Variants in CLASP2 observed in about 807,000 individuals in gnomAD.
The protein encoded by CLASP2 is cytoplasmic linker associated protein 2.
In CLASP2, 47 loss-of-function variants were observed where a neutral mutation model predicts 194.4. The ratio of observed to expected loss-of-function variants is 0.24; its 90% confidence interval spans 0.19 to 0.31. CLASP2 has a LOEUF of 0.31. CLASP2 is among the 10% of genes least tolerant of loss of function. CLASP2 has a pLI of 1.00. For missense variants in CLASP2, 1,445 were observed against 1,823.6 expected (o/e 0.79, Z 3.78); for synonymous variants, 619 against 633.5 (o/e 0.98, Z 0.34).
intron 1 of CLASP2, among the ~76,000 whole-genome samples, chr3:33,710,061 G>A (rs980397740): frequency 3.9e-5 from 6 of 152,126 alleles, no homozygotes; most frequent in Non-Finnish European, 7.4e-5. Flanking sequence ...GATTGGCCAC[G>A]GGCTGATAAG....
chr3:33,607,054 G>A (rs1180879946), intron 15 of CLASP2, among the ~76,000 whole-genome samples: 1 of 152,152 alleles, frequency 6.6e-6, no homozygotes, highest in Non-Finnish European at 1.5e-5. Context: ...TATCTTCGGA[G>A]GATCATTCTA....
At chr3:33,605,544 G>C (rs983148834) in intron 16 of CLASP2, among the ~76,000 whole-genome samples, 1 of 152,074 alleles carries the variant, frequency 6.6e-6, no homozygotes, top group South Asian at 2.1e-4. Flanking sequence ...GCCTCACCCT[G>C]GTCCCAGTTC....
rs531199506 is a variant in CLASP2, at chr3:33,661,590, G to C, written c.715+1855C>G. Among the ~76,000 whole-genome samples the C allele has an allele frequency of 2.0e-5, 3 of 152,342 alleles. No individual in the cohort carries two copies. In the East Asian group the frequency reaches 5.8e-4, roughly 29 times the overall value. On this transcript the variant is annotated intron_variant, in intron 7 of 38. Transcript: ENST00000682230. ...TGGTGCCACTGACTAAAATGGCTAAGACTGGAGAAGGAACAGATCTGAGAG... is the reference window on the plus strand; with the variant it reads ...TGGTGCCACTGACTAAAATGGCTAACACTGGAGAAGGAACAGATCTGAGAG...
intron 1 of CLASP2, among the ~76,000 whole-genome samples, chr3:33,712,131 T>C (rs1358998517): frequency 6.6e-6 from 1 of 152,078 alleles, no homozygotes; most frequent in Admixed American, 6.5e-5. Context: ...CATTAACCAA[T>C]GAGTGAATAA....
rs979406104 is a variant in CLASP2 at position 33,663,527 on chromosome 3, G to A, written c.645-12C>T. Reference sequence around the variant, plus strand: ...ATATCATTTCTAATCTGGGAATAAAGAATAAATTGGGTTTGTTTGATTTTT... The same window carrying A: ...ATATCATTTCTAATCTGGGAATAAAAAATAAATTGGGTTTGTTTGATTTTT... On this transcript the variant is annotated splice_polypyrimidine_tract_variant and intron_variant, in intron 6 of 38. Coordinates refer to ENST00000682230, the MANE Select transcript of CLASP2 (RefSeq NM_001365631.1). The A allele has an allele frequency of 2.2e-5, 34 of 1,574,772 alleles. No individual in the cohort carries two copies. The highest frequency in any genetic ancestry group is 2.9e-5 in the Non-Finnish European group (33 of 1,146,240).
Position 33,535,321 on chromosome 3 carries a change from T to C in CLASP2, c.3699A>G (p.Pro1233=). ...HSSPRSRDYN[P]YNYSDSISPF... ...GACTGATGCTATCTGAATAGTTATA[T>C]GGATTATAGTCTCGAGAGCGTGGAG... Residue 1233 remains proline (P), a synonymous_variant, in exon 34 of 39, where the codon CCA becomes CCG. Transcript: ENST00000682230. 6.2e-7 allele frequency: 1 copy of C among 1,613,932 alleles called. No individual in the cohort carries two copies. Among genetic ancestry groups the C allele is most frequent in the Non-Finnish European group, 8.5e-7 (1 of 1,179,848 alleles).
At chr3:33,634,639 A>G (rs1237851331) in intron 8 of CLASP2, among the ~76,000 whole-genome samples, 1 of 152,230 alleles carries the variant, frequency 6.6e-6, no homozygotes, top group Non-Finnish European at 1.5e-5. Context: ...ACAGTTAACA[A>G]CAATGCATTG....
intron 8 of CLASP2, among the ~76,000 whole-genome samples, chr3:33,640,350 A>C (rs986726454): frequency 6.6e-6 from 1 of 152,198 alleles, no homozygotes; most frequent in African/African-American, 2.4e-5. Context: ...CATTCTTTAA[A>C]TCTCAGGTTA....
rs2154351324 is a variant in CLASP2 at position 33,697,008 on chromosome 3, T to C, written c.196-75A>G. ...TAATATCAGTATTTAATTTTTGACA[T>C]ATAAAAGATCTTCATAAATATATTA... On this transcript the variant is annotated intron_variant, in intron 1 of 38. Coordinates refer to ENST00000682230, the MANE Select transcript of CLASP2 (RefSeq NM_001365631.1). 3 of 813,324 alleles carry C rather than the reference T, an allele frequency of 3.7e-6. No individual in the cohort carries two copies. In the East Asian group the frequency reaches 8.1e-5, roughly 22 times the overall value. The allele number at this position is 813,324 out of a possible 1,614,324, so 50.4% of individuals were successfully genotyped here.
intron 16 of CLASP2, among the ~76,000 whole-genome samples, chr3:33,606,041 C>A (rs2073761215): frequency 6.6e-6 from 1 of 152,046 alleles, no homozygotes; most frequent in Non-Finnish European, 1.5e-5. Flanking sequence ...TTAGCAATCT[C>A]ATAGGGCTAG....
At chr3:33,633,777 C>T (rs1166563257) in intron 8 of CLASP2, among the ~76,000 whole-genome samples, 2 of 151,888 alleles carry the variant, frequency 1.3e-5, no homozygotes, top group Non-Finnish European at 2.9e-5. Context: ...AATAATTAAA[C>T]ATATTTAAGA....
At chr3:33,618,016 T>A (rs2076494171) in intron 12 of CLASP2, among the ~76,000 whole-genome samples, 1 of 150,148 alleles carries the variant, frequency 6.7e-6, no homozygotes, top group Admixed American at 6.6e-5. Context: ...CGGTGCAATC[T>A]CGGCTCACAA....
At position 33,641,421 on chromosome 3, in the gene CLASP2, C is replaced by A. The variant is rs968246456; in HGVS notation, c.862+3336G>T. Among the ~76,000 whole-genome samples the A allele has an allele frequency of 3.3e-5, 5 of 151,628 alleles. No homozygotes were observed. In the East Asian group the frequency reaches 5.8e-4, roughly 18 times the overall value. ...TAGTAAGGCACAAAGGTAACACTTT[C>A]GACACTTACATAATATGGATTTTTA... On this transcript the variant is annotated intron_variant, in intron 8 of 38. Transcript: ENST00000682230.
In CLASP2 at chr3:33,637,425, T is replaced by C. The variant is rs951814062; in HGVS notation, c.863-5054A>G. On this transcript the variant is annotated intron_variant, in intron 8 of 38. Transcript: ENST00000682230. ...GGCAGGCAACTGTAGTCCCAGCTAC[T>C]TGAAAGGCCGAGGCAGGAGAATCGC... Among the ~76,000 whole-genome samples, 8 of 152,154 alleles carry C rather than the reference T, an allele frequency of 5.3e-5. No individual in the cohort carries two copies. In the South Asian group the frequency reaches 6.2e-4, roughly 12 times the overall value.
intron 7 of CLASP2, among the ~76,000 whole-genome samples, chr3:33,651,774 T>G (rs928296353): frequency 6.6e-6 from 1 of 151,486 alleles, no homozygotes; most frequent in Non-Finnish European, 1.5e-5. Context: ...ATTCCACTGC[T>G]TCAGCCTCCT....
Position 33,543,544 on chromosome 3 carries a change from T to G in CLASP2, c.3298-5A>C. On this transcript the variant is annotated splice_region_variant and splice_polypyrimidine_tract_variant and intron_variant, in intron 31 of 38. Coordinates refer to ENST00000682230, the MANE Select transcript of CLASP2 (RefSeq NM_001365631.1). Reference sequence around the variant, plus strand: ...CAAAGGACTCCCCATGGAACTCTGATGAAGGGAGTCAAAGAAATATTAACA... The same window carrying G: ...CAAAGGACTCCCCATGGAACTCTGAGGAAGGGAGTCAAAGAAATATTAACA... 5.1e-6 allele frequency: 8 copies of G among 1,562,514 alleles called. No individual in the cohort carries two copies. The highest frequency in any genetic ancestry group is 7.1e-6 in the Non-Finnish European group (8 of 1,133,122).
At chr3:33,623,974 C>T (rs1194231903) in intron 10 of CLASP2, among the ~76,000 whole-genome samples, 4 of 152,238 alleles carry the variant, frequency 2.6e-5, no homozygotes, top group East Asian at 1.9e-4. Flanking sequence ...GACAAGGATG[C>T]CTGCTTTCAA....
At chr3:33,536,972 G>T (rs1488603576) in intron 33 of CLASP2, among the ~76,000 whole-genome samples, 1 of 152,156 alleles carries the variant, frequency 6.6e-6, no homozygotes, top group Non-Finnish European at 1.5e-5. Flanking sequence ...ATGTGAATGT[G>T]GAACTCAGGA....
chr3:33,676,835 A>G (rs934498742), intron 6 of CLASP2, among the ~76,000 whole-genome samples: 6 of 152,240 alleles, frequency 3.9e-5, no homozygotes, highest in African/African-American at 9.6e-5. Context: ...AGAATCTACA[A>G]TGAACTTGAA....
Sources: gnomAD v4.1 joint callset for allele counts (sites outside exome capture counted in the v4.1 genomes callset) on GRCh38, gnomAD v4.1.1 for gene constraint, MANE v1.5 for transcripts, NCBI Gene and HGNC (gene_info 2026-07-23, HGNC 2026-07-21) for gene names.